Variants in ATP7B observed in about 807,000 individuals in gnomAD.
ATP7B encodes ATPase copper transporting beta, also known as copper-transporting ATPase 2.
ATP7B carries 113 observed loss-of-function variants against 118.9 expected under a neutral mutation model. The ratio of observed to expected loss-of-function variants is 0.95; its 90% CI spans 0.82 to 1.11. The LOEUF is 1.11. Among genes scored for constraint, ATP7B ranks in the 50% most tolerant of loss-of-function variants. The probability of loss-of-function intolerance (pLI) is 0.00; values close to 1 mark genes in which losing one functional copy is unlikely to be tolerated. For missense variants in ATP7B, 1,867 were observed against 1,871.4 expected, an observed-to-expected ratio of 1.00 and a Z score of 0.04; for synonymous variants, 777 against 727.4, an observed-to-expected ratio of 1.07 and a Z score of -1.10.
At chr13:51,967,506 T>A (rs529989041) in intron 4 of ATP7B, among the ~76,000 whole-genome samples, 5 of 152,364 alleles carry the variant, frequency 3.3e-5, no homozygotes, top group Non-Finnish European at 5.9e-5. Flanking sequence ...GCCCCTCTTG[T>A]TGGGCACCTC....
chr13:51,935,548 G>A, intron 20 of ATP7B, 45 bp downstream of exon 20: 2 of 1,561,858 alleles, frequency 1.3e-6, no homozygotes, highest in Non-Finnish European at 8.8e-7. Context: ...GAATGACAAG[G>A]CCTCCTGGGA....
chr13:52,009,199 T>C (rs919978950), intron 1 of ATP7B, among the ~76,000 whole-genome samples: 5 of 152,228 alleles, frequency 3.3e-5, no homozygotes, highest in African/African-American at 7.2e-5. Context: ...AACAGACTTA[T>C]TGGAAATATT....
intron 3 of ATP7B, 128 bp downstream of exon 3, chr13:51,970,364 T>C: frequency 1.5e-6 from 2 of 1,298,840 alleles, no homozygotes; most frequent in East Asian, 2.3e-5. Flanking sequence ...CAAACATTTA[T>C]GCTATATAAT....
intron 15 of ATP7B, 150 bp from the exon 16 acceptor site, chr13:51,941,374 C>CAA (rs377284993): frequency 5.5e-4 from 350 of 639,836 alleles, no homozygotes; most frequent in Non-Finnish European, 6.7e-4. Context: ...TCCTTTAGGA[C>CAA]AAAAAAAAAA....
intron 1 of ATP7B, among the ~76,000 whole-genome samples, chr13:51,986,674 C>G (rs899405046): frequency 3.9e-5 from 6 of 152,182 alleles, no homozygotes; most frequent in African/African-American, 9.6e-5. Flanking sequence ...CAATAAAATA[C>G]TGGCAAACCG....
intron 1 of ATP7B, among the ~76,000 whole-genome samples, chr13:52,000,135 G>A (rs1326359845): frequency 1.3e-5 from 2 of 152,122 alleles, no homozygotes; most frequent in African/African-American, 2.4e-5. Context: ...TCCAGGCCAG[G>A]AGAAGTATAC....
intron 9 of ATP7B, 59 bp downstream of exon 9, chr13:51,957,457 T>C (rs1958424563): frequency 6.6e-7 from 1 of 1,518,522 alleles, no homozygotes; most frequent in Non-Finnish European, 9.1e-7. Flanking sequence ...GGGCATCTGA[T>C]GCAGCTCACA....
chr13:52,011,049 C>T (rs1426324848), intron 1 of ATP7B, among the ~76,000 whole-genome samples: 1 of 152,218 alleles, frequency 6.6e-6, no homozygotes, highest in Non-Finnish European at 1.5e-5. Context: ...GCATCAGACC[C>T]CTTAAAAGCA....
chr13:52,006,630 C>T (rs573515062), intron 1 of ATP7B, among the ~76,000 whole-genome samples: 6 of 152,328 alleles, frequency 3.9e-5, no homozygotes, highest in South Asian at 2.1e-4. Context: ...GAGTGACTTA[C>T]GCTGTTTTCC....
intron 1 of ATP7B, among the ~76,000 whole-genome samples, chr13:51,994,448 T>G (rs1953093378): frequency 6.6e-6 from 1 of 152,240 alleles, no homozygotes; most frequent in South Asian, 2.1e-4. Flanking sequence ...AGGAGTCTCT[T>G]GGAAATTTCC....
chr13:51,951,540 A>T (rs1025751660), intron 9 of ATP7B, among the ~76,000 whole-genome samples: 1 of 152,216 alleles, frequency 6.6e-6, no homozygotes, highest in African/African-American at 2.4e-5. Flanking sequence ...ACATGTAGAT[A>T]GCATTTAAAG....
At chr13:51,999,990 C>T (rs1310003502) in intron 1 of ATP7B, among the ~76,000 whole-genome samples, 2 of 152,136 alleles carry the variant, frequency 1.3e-5, no homozygotes, top group African/African-American at 4.8e-5. Flanking sequence ...TGATTTTCCT[C>T]CTATCCTTCC....
At chr13:51,940,292 C>T (rs1593657706) in intron 16 of ATP7B, among the ~76,000 whole-genome samples, 1 of 144,594 alleles carries the variant, frequency 6.9e-6, no homozygotes, top group East Asian at 2.3e-4. Context: ...GGATTACAGG[C>T]GTGAGCCACC....
chr13:51,944,206 G>A lies in ATP7B; in HGVS notation c.3146C>T (p.Ala1049Val), dbSNP rs777710219. Residue 1049 changes from alanine (A) to valine (V), a missense_variant, in exon 14 of 21, where the codon GCC becomes GTC. By Grantham distance (64) the Ala-to-Val change is moderately conservative (BLOSUM62 0). Coordinates refer to ENST00000242839, the MANE Select transcript of ATP7B (RefSeq NM_000053.4). Reference protein sequence around the residue: ...VMRVLLLGDVATLPLRKVLAV... With the variant: ...VMRVLLLGDVVTLPLRKVLAV... ...CAGAACCTTCCTGAGGGGCAGTGTG[G>A]CCACATCCCCCAGCAGGAGCACCCG... 5.0e-6 allele frequency: 8 copies of A among 1,614,018 alleles called. No individual in the cohort carries two copies. The highest frequency in any genetic ancestry group is 6.8e-6 in the Non-Finnish European group (8 of 1,180,046).
chr13:51,975,043 G>A lies in ATP7B; in HGVS notation c.177C>T (p.Thr59=). 1 of 1,614,196 alleles carries A rather than the reference G, an allele frequency of 6.2e-7. No individual in the cohort carries two copies. Among genetic ancestry groups the A allele is most frequent in the Non-Finnish European group, 8.5e-7 (1 of 1,180,036 alleles). Residue 59 remains threonine (T), a synonymous_variant, in exon 2 of 21, where the codon ACC becomes ACT. Coordinates refer to ENST00000242839, the MANE Select transcript of ATP7B (RefSeq NM_000053.4). The stretch of plus-strand genomic sequence containing the variant: ...TCATGCCCAAGATCCTGACTGTGCT[G>A]GTGGCCACCTGAGAAGAAGGGCCCA... ...DGLGPSSQVA[T]STVRILGMTC...
At chr13:51,944,419 C>T (rs1017981259) in intron 13 of ATP7B, 128 bp from the exon 14 acceptor site, 6 of 1,162,074 alleles carry the variant, frequency 5.2e-6, no homozygotes, top group African/African-American at 3.0e-5. Context: ...AGCTTCCTAA[C>T]GTGATCCTCT....
intron 1 of ATP7B, among the ~76,000 whole-genome samples, chr13:51,977,402 A>T (rs1952178099): frequency 6.6e-6 from 1 of 152,020 alleles, no homozygotes; most frequent in Non-Finnish European, 1.5e-5. Flanking sequence ...ACACAAACAC[A>T]TACATTAGCC....
rs1445706595 is a variant in ATP7B, at chr13:51,949,729, GT to G, written c.2797del (p.Thr933LeufsTer2). The G allele has an allele frequency of 6.2e-7, 1 of 1,614,068 alleles. No individual in the cohort carries two copies. Reference protein sequence around the residue: ...YFVPFIIIMSTLTLVVWIVIG... With the variant: ...YFVPFIIIMSXLTLVVWIVIG... ...TACAATCCATACCACCAACGTCAAAGTTGACATGATGATGATAAATGGGACA... is the reference window on the plus strand; with the variant it reads ...TACAATCCATACCACCAACGTCAAAGTGACATGATGATGATAAATGGGACA... On this transcript the variant is annotated frameshift_variant, in exon 12 of 21. Coordinates refer to ENST00000242839, the MANE Select transcript of ATP7B (RefSeq NM_000053.4). LOFTEE classifies it high-confidence loss of function.
rs73498182 is a variant in ATP7B, at chr13:51,959,018, C to T, written c.2122-474G>A. 1,547 of 179,880 alleles carry T rather than the reference C, an allele frequency of 8.6e-3. 21 individuals carry two copies. The highest frequency in any genetic ancestry group is 0.034 in the African/African-American group (1,432 of 42,308). 11.1% of individuals were successfully genotyped at this position (179,880 alleles called of 1,614,324 possible). ...TCTGTATTACGTGAACATATACATA[C>T]ACATACACGCAAGTGTGCATTTTCT... On this transcript the variant is annotated intron_variant, in intron 7 of 20. Transcript: ENST00000242839.
Sources: allele counts gnomAD v4.1 joint callset (sites outside exome capture counted in the v4.1 genomes callset), GRCh38; gene constraint gnomAD v4.1.1; transcripts MANE v1.5; gene names NCBI Gene and HGNC (gene_info 2026-07-23, HGNC 2026-07-21).